EPN1: variants seen among roughly 807,000 people sequenced by gnomAD.
EPN1 encodes the protein epsin-1.
Under a neutral mutation model 56.9 loss-of-function variants are expected in EPN1, and 25 were observed. That is an observed-to-expected ratio of 0.44 (90% confidence interval 0.32 to 0.61). EPN1 has a LOEUF of 0.61. Ranked by LOEUF, EPN1 falls within the 20% of genes least tolerant of loss-of-function variation. The probability of loss-of-function intolerance (pLI) is 0.05; values close to 1 mark genes in which losing one functional copy is unlikely to be tolerated. For synonymous variants in EPN1, 411 were observed against 361.8 expected (o/e 1.14, Z -1.54); for missense variants, 785 against 823.7 (o/e 0.95, Z 0.58).
Position 55,693,024 on chromosome 19 carries a change from C to A in EPN1, c.1251C>A (p.Ser417=). The A allele has an allele frequency of 6.2e-7, 1 of 1,613,040 alleles. No individual in the cohort carries two copies. The highest frequency in any genetic ancestry group is 8.5e-7 in the Non-Finnish European group (1 of 1,179,430). The change falls in exon 9 of 11, where the codon TCC becomes TCA. Residue 417 remains serine, a synonymous_variant. Transcript: ENST00000270460. ...GACTCCGCACGGCACTGCCGACCTCCGGGAGCAGCGCAGGTGAGCCCCTGC... is the reference window on the plus strand; with the variant it reads ...GACTCCGCACGGCACTGCCGACCTCAGGGAGCAGCGCAGGTGAGCCCCTGC... ...FDRLRTALPT[S]GSSAGELELL...
intron 2 of EPN1, among the ~76,000 whole-genome samples, chr19:55,683,907 ACT>A (rs1985995475): frequency 6.6e-6 from 1 of 151,690 alleles, no homozygotes; most frequent in African/African-American, 2.4e-5. Context: ...TGTTGGCACG[ACT>A]CTGCCCAGCG....
rs1299188879 is a variant in EPN1 at position 55,699,282 on chromosome 19, G to A, written c.*3926G>A. The stretch of plus-strand genomic sequence containing the variant: ...CTAAAAGGGGAGGGAGAGTTTCTGT[G>A]CCCATTCCCAGGCACCTTCTTGCAG... On this transcript the variant is annotated 3_prime_UTR_variant, in exon 11 of 11. Coordinates refer to ENST00000270460, the MANE Select transcript of EPN1 (RefSeq NM_001130072.2). 6.6e-6 allele frequency: 1 copy of A among 152,158 alleles called. No individual in the cohort carries two copies. The highest frequency in any genetic ancestry group is 1.9e-4 in the East Asian group (1 of 5,190). The allele number at this position is 152,158 out of a possible 1,614,324, so 9.4% of individuals were successfully genotyped here. A position where few individuals can be genotyped will look rare whatever the true frequency, so the allele number is the denominator to read the frequency against.
chr19:55,706,229 CTCTT>C lies in EPN1; in HGVS notation c.*10878_*10881del, dbSNP rs10638952. The C allele has an allele frequency of 1.1e-3, 168 of 150,822 alleles. No homozygotes were observed. Among genetic ancestry groups the C allele is most frequent in the South Asian group, 2.3e-3 (12 of 5,198 alleles). The allele number at this position is 150,822 out of a possible 1,614,324, so 9.3% of individuals were successfully genotyped here. A position where few individuals can be genotyped will look rare whatever the true frequency, so the allele number is the denominator to read the frequency against. On this transcript the variant is annotated 3_prime_UTR_variant, in exon 11 of 11. Transcript: ENST00000270460. The stretch of plus-strand genomic sequence containing the variant: ...TTTATTTTTCTTTCTTCCTTTCCTC[CTCTT>C]TCTTCTCCTTTTTCCTCCTCTTTTC...
In EPN1 at chr19:55,685,624, A is replaced by T; in HGVS notation, c.457A>T (p.Lys153Ter). 1 of 1,600,896 alleles carries T rather than the reference A, an allele frequency of 6.2e-7. No homozygotes were observed. Among genetic ancestry groups the T allele is most frequent in the Non-Finnish European group, 8.5e-7 (1 of 1,174,922 alleles). ...ERAHALKTKE[K>*]LAQTATASSA... ...GGCGCACGCGCTCAAGACCAAGGAA[A>T]AGCTGGCACAGACCGCCACGGGTGA... The change falls in exon 3 of 11, where the codon AAG becomes TAG. Residue 153 changes from lysine (K) to a stop codon, truncating the protein, a stop_gained. Transcript: ENST00000270460. LOFTEE classifies it high-confidence loss of function.
rs934088431 is a variant in EPN1 at position 55,705,582 on chromosome 19, G to C, written c.*10226G>C. The C allele has an allele frequency of 1.3e-5, 2 of 152,184 alleles. No homozygotes were observed. The highest frequency in any genetic ancestry group is 2.9e-5 in the Non-Finnish European group (2 of 68,080). The allele number at this position is 152,184 out of a possible 1,614,324, so 9.4% of individuals were successfully genotyped here. ...GAGAATCGTTTGAGCCCGGGAGGTG[G>C]AGGTTGCAGTGAGCCGAGATCGCAC... On this transcript the variant is annotated 3_prime_UTR_variant, in exon 11 of 11. Transcript: ENST00000270460.
rs1251033700 is a variant in EPN1, at chr19:55,705,722, A to C, written c.*10366A>C. Reference sequence around the variant, plus strand: ...GGCCAAAGGTAGAGAAAATCTTGAAAGTATCGAGAAAATGACATGTCAATC... The same window carrying C: ...GGCCAAAGGTAGAGAAAATCTTGAACGTATCGAGAAAATGACATGTCAATC... On this transcript the variant is annotated 3_prime_UTR_variant, in exon 11 of 11. Coordinates refer to ENST00000270460, the MANE Select transcript of EPN1 (RefSeq NM_001130072.2). 1 of 151,578 alleles carries C rather than the reference A, an allele frequency of 6.6e-6. No homozygotes were observed. The highest frequency in any genetic ancestry group is 1.5e-5 in the Non-Finnish European group (1 of 67,894). The allele number at this position is 151,578 out of a possible 1,614,324, so 9.4% of individuals were successfully genotyped here. A position where few individuals can be genotyped will look rare whatever the true frequency, so the allele number is the denominator to read the frequency against.
At chr19:55,678,201 T>C (rs1985567566) in intron 1 of EPN1, among the ~76,000 whole-genome samples, 1 of 152,160 alleles carries the variant, frequency 6.6e-6, no homozygotes, top group East Asian at 1.9e-4. Flanking sequence ...GTTCTCTAGA[T>C]GACCGCATGG....
chr19:55,684,522 A>G (rs1482528771), intron 2 of EPN1, among the ~76,000 whole-genome samples: 1 of 152,188 alleles, frequency 6.6e-6, no homozygotes, highest in Non-Finnish European at 1.5e-5. Context: ...ATAAAATACA[A>G]ACATACCAAA....
In EPN1 at chr19:55,689,829, G is replaced by A. The variant is rs757184530; in HGVS notation, c.679-38G>A. On this transcript the variant is annotated intron_variant, in intron 5 of 10. Coordinates refer to ENST00000270460, the MANE Select transcript of EPN1 (RefSeq NM_001130072.2). This position sits in a 1 kb window ranked among gnomAD's most constrained non-coding sequence, Gnocchi z 5.7. ...GAGGTGGCATCTGCCCGTGGCTCAC[G>A]TTCTCATGTCTCCCTGGTCGTGCCC... 2.7e-5 allele frequency: 43 copies of A among 1,568,482 alleles called. No individual in the cohort carries two copies. In the African/African-American group the frequency reaches 3.7e-4, roughly 13 times the overall value.
Position 55,692,935 on chromosome 19 carries a change from C to T in EPN1, c.1178-16C>T. 1.2e-6 allele frequency: 2 copies of T among 1,612,850 alleles called. No individual in the cohort carries two copies. Among genetic ancestry groups the T allele is most frequent in the Non-Finnish European group, 8.5e-7 (1 of 1,179,408 alleles). The stretch of plus-strand genomic sequence containing the variant: ...GGCCCCAGGGAGGGGCTGAGCAGAA[C>T]ATCCTGACCCCACAGCAGCCGGGGG... On this transcript the variant is annotated splice_polypyrimidine_tract_variant and intron_variant, in intron 8 of 10. Coordinates refer to ENST00000270460, the MANE Select transcript of EPN1 (RefSeq NM_001130072.2).
rs370785243 is a variant in EPN1, at chr19:55,692,737, C to T, written c.1118C>T (p.Pro373Leu). Residue 373 changes from proline to leucine, a missense_variant, in exon 8 of 11, where the codon CCG (proline) becomes CTG (leucine). By Grantham distance (98) the Pro-to-Leu change is moderately conservative (BLOSUM62 -3). Transcript: ENST00000270460. ...GCCTCCGATCCCTGGACACCGGCCC[C>T]GGCCTTCTCAGATCCCTGGGGAGGG... is the stretch of plus-strand genomic sequence containing the variant. ...PSASDPWTPA[P>L]AFSDPWGGSP... The T allele has an allele frequency of 2.2e-5, 34 of 1,575,498 alleles. No homozygotes were observed. Among genetic ancestry groups the T allele is most frequent in the South Asian group, 1.5e-4 (13 of 86,102 alleles).
chr19:55,685,211 G>T (rs1380324494), intron 2 of EPN1, among the ~76,000 whole-genome samples, 185 bp from the exon 3 acceptor site: 1 of 152,272 alleles, frequency 6.6e-6, no homozygotes, highest in Non-Finnish European at 1.5e-5. Flanking sequence ...CACAGCGTGG[G>T]TCTGTGTTCA....
intron 3 of EPN1, among the ~76,000 whole-genome samples, chr19:55,687,766 G>A (rs1298757970): frequency 2.0e-5 from 3 of 152,184 alleles, no homozygotes; most frequent in Admixed American, 6.5e-5. Context: ...AACCCCAGAT[G>A]GTCACCCTTC....
chr19:55,681,405 C>T lies in EPN1; in HGVS notation c.228+2550C>T, dbSNP rs150168286. Among the ~76,000 whole-genome samples the T allele has an allele frequency of 2.8e-3, 422 of 152,304 alleles. 3 individuals are homozygous for T. Among genetic ancestry groups the T allele is most frequent in the African/African-American group, 9.1e-3 (379 of 41,560 alleles). On this transcript the variant is annotated intron_variant, in intron 2 of 10. Coordinates refer to ENST00000270460, the MANE Select transcript of EPN1 (RefSeq NM_001130072.2). ...AGAGCCAAGAGGAGCCCCGAGCCCA[C>T]CCTCTGGGCCCTGCACTGCCACCTC... is the stretch of plus-strand genomic sequence containing the variant.
intron 1 of EPN1, chr19:55,676,510 G>C (rs1467198533): frequency 1.3e-5 from 2 of 152,200 alleles, no homozygotes; most frequent in Non-Finnish European, 2.9e-5. Context: ...AATGTTCTCT[G>C]TTTTTTCTCT....
At chr19:55,688,593 G>T (rs958604843) in intron 3 of EPN1, among the ~76,000 whole-genome samples, 1 of 152,112 alleles carries the variant, frequency 6.6e-6, no homozygotes, top group African/African-American at 2.4e-5. Flanking sequence ...AGGTTGCTGG[G>T]GTTCCCCACC....
chr19:55,692,646 C>T (rs1459590609), intron 7 of EPN1, 40 bp from the exon 8 acceptor site: 3 of 1,374,556 alleles, frequency 2.2e-6, no homozygotes, highest in Admixed American at 5.0e-5. Flanking sequence ...TCTGGGCAGT[C>T]AAGGTTGCCA....
At chr19:55,686,849 G>A (rs554972844) in intron 3 of EPN1, among the ~76,000 whole-genome samples, 3 of 152,064 alleles carry the variant, frequency 2.0e-5, no homozygotes, top group Admixed American at 1.3e-4. Context: ...GGACGGAGGA[G>A]GGACATTGGC....
Position 55,685,907 on chromosome 19 carries a change from C to T in EPN1, c.478+262C>T, listed in dbSNP as rs528348589. 1.6e-4 allele frequency among the ~76,000 whole-genome samples: 24 copies of T among 152,356 alleles called. No homozygotes were observed. In the South Asian group the frequency reaches 2.3e-3, roughly 14 times the overall value. Reference sequence around the variant, plus strand: ...GGCCTAGAATTGGGAACTTTTATTCCGCTCCCCCATAGGCTCAGGGCCTGA... The same window carrying T: ...GGCCTAGAATTGGGAACTTTTATTCTGCTCCCCCATAGGCTCAGGGCCTGA... On this transcript the variant is annotated intron_variant, in intron 3 of 10. Transcript: ENST00000270460.
Sources: gnomAD v4.1 joint callset for allele counts (sites outside exome capture counted in the v4.1 genomes callset) on GRCh38, gnomAD v4.1.1 for gene constraint, Gnocchi (gnomAD v3.1) non-coding constraint, MANE v1.5 for transcripts, NCBI Gene and HGNC (gene_info 2026-07-23, HGNC 2026-07-21) for gene names.